The following ATG3 variants were observed in gnomAD, a reference collection of about 807,000 sequenced individuals.
The protein encoded by ATG3 is ubiquitin-like-conjugating enzyme ATG3.
Under a neutral mutation model 50.7 loss-of-function variants are expected in ATG3, and 25 were observed. The ratio of observed to expected loss-of-function variants is 0.49; its 90% CI spans 0.36 to 0.69. ATG3 has a LOEUF of 0.69. ATG3 is among the 30% of genes least tolerant of loss of function. ATG3 has a pLI of 0.00. For synonymous variants in ATG3, 119 were observed against 125.5 expected (o/e 0.95, Z 0.34); for missense variants, 281 against 376.0 (o/e 0.75, Z 2.09).
chr3:112,552,455 C>T (rs754130276), intron 3 of ATG3, among the ~76,000 whole-genome samples: 162 of 151,700 alleles, frequency 1.1e-3, no homozygotes, highest in South Asian at 2.5e-3. Context: ...ATAATGAAGG[C>T]CTTAATTGGT....
rs112669129 is a variant in ATG3, at chr3:112,546,358, G to A, written c.343+2175C>T. Among the ~76,000 whole-genome samples the A allele has an allele frequency of 5.2e-3, 795 of 152,198 alleles. 7 individuals are homozygous for A. Among genetic ancestry groups the A allele is most frequent in the African/African-American group, 0.019 (777 of 41,508 alleles). ...TTGGCTATTAAGTGACTAATGGCTG[G>A]GTAGCATATACAGCATGCATACACT... is the stretch of plus-strand genomic sequence containing the variant. On this transcript the variant is annotated intron_variant, in intron 5 of 11. Transcript: ENST00000283290.
chr3:112,561,533 G>T lies in ATG3; in HGVS notation c.-5C>A. 1 of 1,608,564 alleles carries T rather than the reference G, an allele frequency of 6.2e-7. No individual in the cohort carries two copies. On this transcript the variant is annotated 5_prime_UTR_variant, in exon 1 of 12. Transcript: ENST00000283290. ...AGTATTAATCACATTCTGCATCCTGGGGCCGGAGTAGCGGCCGGCCCCGCG... is the reference window on the plus strand; with the variant it reads ...AGTATTAATCACATTCTGCATCCTGTGGCCGGAGTAGCGGCCGGCCCCGCG...
chr3:112,548,678 A>C (rs759269019), intron 4 of ATG3, 38 bp from the exon 5 acceptor site: 2 of 1,504,560 alleles, frequency 1.3e-6, no homozygotes, highest in South Asian at 2.3e-5. Flanking sequence ...ACTAGCACGT[A>C]ATCTGCTAAC....
chr3:112,539,926 C>G (rs912299108), intron 7 of ATG3, among the ~76,000 whole-genome samples: 1 of 152,192 alleles, frequency 6.6e-6, no homozygotes, highest in East Asian at 1.9e-4. Flanking sequence ...GCTACCCCAC[C>G]ACCCCAACTT....
rs376049795 is a variant in ATG3 at position 112,536,500 on chromosome 3, G to C, written c.769C>G (p.Pro257Ala). 31 of 1,613,864 alleles carry C rather than the reference G, an allele frequency of 1.9e-5. No individual in the cohort carries two copies. The African/African-American group carries it at 2.8e-4, about 15-fold the overall frequency. Reference sequence around the variant, plus strand: ...CTGCATGGGTGAACTGAACACATGGGAGGTGGTGGCAGATGAGGGTGATTT... The same window carrying C: ...CTGCATGGGTGAACTGAACACATGGCAGGTGGTGGCAGATGAGGGTGATTT... The part of the protein sequence containing the change: ...IENHPHLPPP[P>A]MCSVHPCRHA... Residue 257 changes from proline (P) to alanine (A), a missense_variant, in exon 10 of 12, where the codon CCC (proline) becomes GCC (alanine). Coordinates refer to ENST00000283290, the MANE Select transcript of ATG3 (RefSeq NM_022488.5).
In ATG3 at chr3:112,561,957, G is replaced by A; in HGVS notation, c.-429C>T. The A allele has an allele frequency of 4.8e-6, 1 of 206,574 alleles. No individual in the cohort carries two copies. The highest frequency in any genetic ancestry group is 9.8e-6 in the Non-Finnish European group (1 of 101,928). The allele number at this position is 206,574 out of a possible 1,614,324, so 12.8% of individuals were successfully genotyped here. The stretch of plus-strand genomic sequence containing the variant: ...CTGCGCCGCCACCGGGGCCTCACGT[G>A]ACACTAGACTCTCCCGGCACGTGAC... On this transcript the variant is annotated 5_prime_UTR_variant, in exon 1 of 12. Coordinates refer to ENST00000283290, the MANE Select transcript of ATG3 (RefSeq NM_022488.5).
In ATG3 at chr3:112,561,690, A is replaced by T; in HGVS notation, c.-162T>A. 1.5e-6 allele frequency: 1 copy of T among 675,022 alleles called. No homozygotes were observed. The highest frequency in any genetic ancestry group is 2.4e-6 in the Non-Finnish European group (1 of 418,272). 41.8% of individuals were successfully genotyped at this position (675,022 alleles called of 1,614,324 possible). ...GCGACGCGACGGGACGGGCGGGACG[A>T]GGGGGCGGGGCGGCAGGCACAGCGC... On this transcript the variant is annotated 5_prime_UTR_variant, in exon 1 of 12. Transcript: ENST00000283290.
At chr3:112,542,629 A>C (rs1933262639) in intron 6 of ATG3, among the ~76,000 whole-genome samples, 1 of 152,114 alleles carries the variant, frequency 6.6e-6, no homozygotes, top group South Asian at 2.1e-4. Flanking sequence ...CCACAAAACC[A>C]CAAAACCATC....
Sources: gnomAD v4.1 joint callset for allele counts (sites outside exome capture counted in the v4.1 genomes callset) on GRCh38, gnomAD v4.1.1 for gene constraint, MANE v1.5 for transcripts, NCBI Gene and HGNC (gene_info 2026-07-23, HGNC 2026-07-21) for gene names.